SLC6A11: variants seen among roughly 807,000 people sequenced by gnomAD.
SLC6A11 encodes the protein sodium- and chloride-dependent GABA transporter 3.
SLC6A11 carries 25 observed loss-of-function variants against 74.8 expected under a neutral mutation model. The ratio of observed to expected loss-of-function variants is 0.33; its 90% CI spans 0.24 to 0.47. SLC6A11 has a LOEUF of 0.47. SLC6A11 is among the 20% of genes least tolerant of loss of function. SLC6A11 has a pLI of 1.00. For missense variants in SLC6A11, 574 were observed against 837.0 expected (o/e 0.69, Z 3.88); for synonymous variants, 330 against 330.2 (o/e 1.00, Z 0.01).
chr3:10,905,763 A>ATCCC, intron 6 of SLC6A11, among the ~76,000 whole-genome samples: 1 of 152,320 alleles, frequency 6.6e-6, no homozygotes, highest in South Asian at 2.1e-4. Flanking sequence ...ATGTAAAGAC[A>ATCCC]TCCCATGGTT....
chr3:10,885,512 A>T (rs1695031861), intron 6 of SLC6A11, among the ~76,000 whole-genome samples: 1 of 152,054 alleles, frequency 6.6e-6, no homozygotes. Context: ...TTTGATGGTT[A>T]CAATTAGGGG....
chr3:10,910,875 T>G (rs1695377130), intron 6 of SLC6A11, among the ~76,000 whole-genome samples: 1 of 140,590 alleles, frequency 7.1e-6, no homozygotes, highest in African/African-American at 2.7e-5. Context: ...AAGGCTGGAG[T>G]GAAGTGGTGT....
rs1575673595 is a variant in SLC6A11 at position 10,844,685 on chromosome 3, T to C, written c.756+339T>C. On this transcript the variant is annotated intron_variant, in intron 5 of 13. Transcript: ENST00000254488. ...AACTACTACAAGGGTTCTTTGGTAA[T>C]GAAGACAGGGTTCTAGGTGTGTGTG... 5.9e-5 allele frequency among the ~76,000 whole-genome samples: 9 copies of C among 152,308 alleles called. No homozygotes were observed. In the South Asian group the frequency reaches 1.9e-3, roughly 32 times the overall value.
intron 3 of SLC6A11, 112 bp from the exon 4 acceptor site, chr3:10,823,190 C>G: frequency 1.4e-6 from 1 of 723,786 alleles, no homozygotes; most frequent in South Asian, 1.6e-5. Context: ...GCATGTTTAC[C>G]TGGAGTGGGT....
chr3:10,850,998 C>G (rs943425834), intron 5 of SLC6A11, among the ~76,000 whole-genome samples: 2 of 152,298 alleles, frequency 1.3e-5, no homozygotes, highest in Non-Finnish European at 2.9e-5. Flanking sequence ...CCTTGCTGTC[C>G]TTTGCCTTTT....
chr3:10,890,735 C>T (rs1417303188), intron 6 of SLC6A11, among the ~76,000 whole-genome samples: 2 of 152,228 alleles, frequency 1.3e-5, no homozygotes, highest in African/African-American at 2.4e-5. Flanking sequence ...TTCCTTTCTA[C>T]AGGATTACAT....
At chr3:10,911,783 G>T (rs1361549555) in intron 6 of SLC6A11, among the ~76,000 whole-genome samples, 2 of 152,174 alleles carry the variant, frequency 1.3e-5, no homozygotes, top group African/African-American at 4.8e-5. Context: ...GAGAGGTTAA[G>T]TAACTTGTCC....
intron 5 of SLC6A11, among the ~76,000 whole-genome samples, chr3:10,873,413 T>TGGCATG (rs1405313069): frequency 2.0e-5 from 3 of 149,206 alleles, no homozygotes; most frequent in African/African-American, 7.6e-5. Flanking sequence ...TCCTATCCTA[T>TGGCATG]CCTATCCTAT....
intron 10 of SLC6A11, among the ~76,000 whole-genome samples, chr3:10,930,956 A>G (rs1390252943): frequency 6.6e-6 from 1 of 152,198 alleles, no homozygotes; most frequent in East Asian, 1.9e-4. Context: ...CATCAGTTGC[A>G]GTGGAGAAGT....
At chr3:10,886,815 A>AT (rs1695048142) in intron 6 of SLC6A11, among the ~76,000 whole-genome samples, 1 of 152,024 alleles carries the variant, frequency 6.6e-6, no homozygotes, top group African/African-American at 2.4e-5. Context: ...CTCAAAAAAA[A>AT]AAAAAAAAAA....
intron 1 of SLC6A11, among the ~76,000 whole-genome samples, chr3:10,817,918 T>C (rs1288505233): frequency 6.6e-6 from 1 of 152,160 alleles, no homozygotes. Flanking sequence ...CTGCGTCCAC[T>C]TGGAAACCTG....
At chr3:10,817,398 G>A (rs529671404) in intron 1 of SLC6A11, among the ~76,000 whole-genome samples, 37 of 152,290 alleles carry the variant, frequency 2.4e-4, no homozygotes, top group African/African-American at 8.9e-4. Flanking sequence ...AGATGCAGCA[G>A]CGAATCCGTA....
intron 4 of SLC6A11, chr3:10,823,834 T>C (rs1299421560): frequency 5.9e-6 from 1 of 170,286 alleles, no homozygotes; most frequent in Admixed American, 5.6e-5. Context: ...ATTTAATGGA[T>C]AGAGATTATA....
At chr3:10,843,047 G>A (rs767625516) in intron 4 of SLC6A11, among the ~76,000 whole-genome samples, 3 of 152,156 alleles carry the variant, frequency 2.0e-5, no homozygotes, top group Non-Finnish European at 4.4e-5. Context: ...GGTCTGATGG[G>A]GGTTGGTTTG....
At chr3:10,890,710 T>C (rs1695097569) in intron 6 of SLC6A11, among the ~76,000 whole-genome samples, 1 of 152,256 alleles carries the variant, frequency 6.6e-6, no homozygotes, top group Non-Finnish European at 1.5e-5. Flanking sequence ...ATTTCTTTGC[T>C]CCCCATTGTT....
intron 6 of SLC6A11, among the ~76,000 whole-genome samples, chr3:10,898,981 CAA>C (rs1367104279): frequency 6.6e-6 from 1 of 152,166 alleles, no homozygotes; most frequent in Non-Finnish European, 1.5e-5. Context: ...ATGGTGGCGG[CAA>C]GAGAGAGAAT....
intron 10 of SLC6A11, among the ~76,000 whole-genome samples, chr3:10,931,414 A>G (rs1695684563): frequency 6.6e-6 from 1 of 152,068 alleles, no homozygotes; most frequent in African/African-American, 2.4e-5. Context: ...GGTCTTAGGT[A>G]TTAACTCAGA....
intron 6 of SLC6A11, among the ~76,000 whole-genome samples, chr3:10,911,652 A>G (rs557797859): frequency 6.6e-6 from 1 of 152,248 alleles, no homozygotes; most frequent in East Asian, 1.9e-4. Flanking sequence ...TACCTTAAAC[A>G]TGACTTACCT....
In SLC6A11 at chr3:10,823,426, T is replaced by G. The variant is rs1694163199; in HGVS notation, c.623+34T>G. ...AGAAGAACTTGTCTCCCTTGGCCTG[T>G]GGGGGCTCTGTCCTGGTTCTGCTCA... On this transcript the variant is annotated intron_variant, in intron 4 of 13. Coordinates refer to ENST00000254488, the MANE Select transcript of SLC6A11 (RefSeq NM_014229.3). The G allele has an allele frequency of 2.8e-6, 4 of 1,406,132 alleles. No individual in the cohort carries two copies. In the Admixed American group the frequency reaches 5.0e-5, roughly 18 times the overall value. The allele number at this position is 1,406,132 out of a possible 1,614,324, so 87.1% of individuals were successfully genotyped here. A position where few individuals can be genotyped will look rare whatever the true frequency, so the allele number is the denominator to read the frequency against.
Sources: gnomAD v4.1 joint callset for allele counts (sites outside exome capture counted in the v4.1 genomes callset) on GRCh38, gnomAD v4.1.1 for gene constraint, MANE v1.5 for transcripts, NCBI Gene and HGNC (gene_info 2026-07-23, HGNC 2026-07-21) for gene names.